Variants in TXNDC8 observed in about 807,000 individuals in gnomAD.
The protein encoded by TXNDC8 is thioredoxin domain containing 8.
Under a neutral mutation model 12.9 loss-of-function variants are expected in TXNDC8, and 15 were observed. That is an observed-to-expected ratio of 1.16 (90% confidence interval 0.78 to 1.79). The LOEUF (loss-of-function observed/expected upper bound fraction) is 1.79. Ranked by LOEUF, TXNDC8 falls within the 40% of genes most tolerant of loss-of-function variation. TXNDC8 has a pLI of 0.00. For missense variants in TXNDC8, 128 were observed against 113.2 expected (o/e 1.13, Z -0.59); for synonymous variants, 40 against 35.4 (o/e 1.13, Z -0.46).
At chr9:110,320,971 T>C (rs1444263459) in intron 3 of TXNDC8, among the ~76,000 whole-genome samples, 1 of 152,252 alleles carries the variant, frequency 6.6e-6, no homozygotes, top group East Asian at 1.9e-4. Flanking sequence ...CTTCAGCCAC[T>C]GCTTATATTG....
chr9:110,321,942 T>G (rs67211121), intron 3 of TXNDC8, among the ~76,000 whole-genome samples: 31,016 of 152,060 alleles, frequency 0.2, 3,478 homozygotes, highest in East Asian at 0.46. Flanking sequence ...AATCCTGCAG[T>G]CTGAGTCACA....
intron 3 of TXNDC8, among the ~76,000 whole-genome samples, chr9:110,325,323 A>G (rs945388879): frequency 2.6e-5 from 4 of 152,148 alleles, no homozygotes; most frequent in African/African-American, 7.2e-5. Context: ...TGATTCATGT[A>G]TAAATAGGAA....
chr9:110,312,487 G>A (rs570610548), intron 3 of TXNDC8, among the ~76,000 whole-genome samples: 100 of 152,332 alleles, frequency 6.6e-4, no homozygotes, highest in Non-Finnish European at 1.2e-3. Context: ...GGTAAGTAAA[G>A]AATGTCACTT....
intron 3 of TXNDC8, among the ~76,000 whole-genome samples, chr9:110,318,567 T>G (rs1391069204): frequency 1.3e-5 from 2 of 152,038 alleles, no homozygotes; most frequent in Admixed American, 6.6e-5. Flanking sequence ...AAACCCTGTC[T>G]CTACTACAAA....
rs370611889 is a variant in TXNDC8 at position 110,309,176 on chromosome 9, AG to A, written c.196-4645del. 4.6e-3 allele frequency among the ~76,000 whole-genome samples: 550 copies of A among 119,082 alleles called. 1 individual carries two copies. The highest frequency in any genetic ancestry group is 7.2e-3 in the Non-Finnish European group (394 of 54,936). 78.1% of individuals were successfully genotyped at this position (119,082 alleles called of 152,430 possible). On this transcript the variant is annotated intron_variant, in intron 3 of 4. Coordinates refer to ENST00000423740, the MANE Select transcript of TXNDC8 (RefSeq NM_001286946.2). ...TGGCTTGTCTGTGTATATTTGCATAAGAGACTGAATTTTCTTAGCTCGGAAG... is the reference window on the plus strand; with the variant it reads ...TGGCTTGTCTGTGTATATTTGCATAAAGACTGAATTTTCTTAGCTCGGAAG...
intron 1 of TXNDC8, among the ~76,000 whole-genome samples, chr9:110,337,336 T>C (rs1839795131): frequency 6.6e-6 from 1 of 152,258 alleles, no homozygotes; most frequent in Non-Finnish European, 1.5e-5. Flanking sequence ...AGATTTGTTG[T>C]GACAGCAACA....
At chr9:110,323,958 T>TG (rs1839209588) in intron 3 of TXNDC8, 1 of 1,550,738 alleles carries the variant, frequency 6.4e-7, no homozygotes, top group Admixed American at 2.0e-5. Flanking sequence ...CCATTTCTGA[T>TG]GGGGATGGAG....
intron 3 of TXNDC8, among the ~76,000 whole-genome samples, chr9:110,313,455 C>T (rs1838764703): frequency 6.6e-6 from 1 of 152,102 alleles, no homozygotes; most frequent in South Asian, 2.1e-4. Context: ...AATCTCAGCA[C>T]TTTGGGAGGC....
chr9:110,324,088 G>A (rs993457205), intron 3 of TXNDC8: 1 of 1,449,832 alleles, frequency 6.9e-7, no homozygotes. Flanking sequence ...TGGATGCTGG[G>A]TGCCAAAAAG....
chr9:110,310,112 T>A (rs1371469066), intron 3 of TXNDC8, among the ~76,000 whole-genome samples: 1 of 152,038 alleles, frequency 6.6e-6, no homozygotes, highest in African/African-American at 2.4e-5. Context: ...AGTAATATGG[T>A]CTTTGTGCAC....
chr9:110,334,154 A>G (rs1184071610), intron 2 of TXNDC8, 62 bp downstream of exon 2: 7 of 1,422,112 alleles, frequency 4.9e-6, no homozygotes, highest in Non-Finnish European at 6.7e-6. Context: ...AATTACTGGG[A>G]AAAATATTCT....
intron 3 of TXNDC8, chr9:110,323,080 A>G (rs1839172820): frequency 2.0e-6 from 2 of 985,298 alleles, no homozygotes; most frequent in Middle Eastern, 5.2e-4. Context: ...GGGGGAGGAC[A>G]TCACATGTTA....
At chr9:110,306,256 C>G (rs1320380968) in intron 3 of TXNDC8, among the ~76,000 whole-genome samples, 1 of 152,172 alleles carries the variant, frequency 6.6e-6, no homozygotes, top group Non-Finnish European at 1.5e-5. Flanking sequence ...TATTGCCAGT[C>G]TTTTTCATGT....
At chr9:110,316,769 T>C (rs1205589589) in intron 3 of TXNDC8, among the ~76,000 whole-genome samples, 1 of 152,252 alleles carries the variant, frequency 6.6e-6, no homozygotes, top group Non-Finnish European at 1.5e-5. Context: ...GCATAAATAA[T>C]GCAAGAGTGC....
At position 110,308,721 on chromosome 9, in the gene TXNDC8, C is replaced by T. The variant is rs578056036; in HGVS notation, c.196-4189G>A. The stretch of plus-strand genomic sequence containing the variant: ...CTTTCCTTCTACCACGTACCTCCTT[C>T]CCCTTTGCCACCTGCAGTACCAAAA... On this transcript the variant is annotated intron_variant, in intron 3 of 4. Transcript: ENST00000423740. Among the ~76,000 whole-genome samples the T allele has an allele frequency of 1.6e-3, 244 of 152,326 alleles. 2 individuals carry two copies. Among genetic ancestry groups the T allele is most frequent in the African/African-American group, 5.3e-3 (222 of 41,568 alleles).
intron 1 of TXNDC8, among the ~76,000 whole-genome samples, chr9:110,336,506 T>A (rs1271659515): frequency 2.0e-5 from 3 of 152,160 alleles, no homozygotes; most frequent in Non-Finnish European, 4.4e-5. Context: ...ATTGGACCCA[T>A]GAACTTGACT....
chr9:110,312,296 AAG>A (rs758386897), intron 3 of TXNDC8, among the ~76,000 whole-genome samples: 1 of 152,240 alleles, frequency 6.6e-6, no homozygotes, highest in Non-Finnish European at 1.5e-5. Context: ...TAAGTGCAAT[AAG>A]AACCTGTTTT....
intron 3 of TXNDC8, among the ~76,000 whole-genome samples, chr9:110,320,804 C>T (rs1564101477): frequency 6.6e-6 from 1 of 152,156 alleles, no homozygotes; most frequent in African/African-American, 2.4e-5. Flanking sequence ...TGGAAGAAAC[C>T]ACAGGAATGA....
chr9:110,334,475 C>T (rs1839672491), intron 1 of TXNDC8, among the ~76,000 whole-genome samples, 155 bp from the exon 2 acceptor site: 1 of 152,090 alleles, frequency 6.6e-6, no homozygotes, highest in Admixed American at 6.6e-5. Flanking sequence ...AACTCCTGGG[C>T]TCAAGTGATC....
Sources: gnomAD v4.1 joint callset for allele counts (sites outside exome capture counted in the v4.1 genomes callset) on GRCh38, gnomAD v4.1.1 for gene constraint, MANE v1.5 for transcripts, NCBI Gene and HGNC (gene_info 2026-07-23, HGNC 2026-07-21) for gene names.